The following GPC5 variants were observed in gnomAD, a reference collection of about 807,000 sequenced individuals.
GPC5 encodes glypican-5.
GPC5 carries 47 observed loss-of-function variants against 53.9 expected under a neutral mutation model. The ratio of observed to expected loss-of-function variants is 0.87; its 90% CI spans 0.69 to 1.11. The LOEUF is 1.11. Ranked by LOEUF, GPC5 falls within the 50% of genes most tolerant of loss-of-function variation. The probability of loss-of-function intolerance (pLI) is 0.00; values close to 1 mark genes in which losing one functional copy is unlikely to be tolerated. For missense variants in GPC5, 748 were observed against 713.1 expected (o/e 1.05, Z -0.56); for synonymous variants, 286 against 263.3 (o/e 1.09, Z -0.84).
intron 2 of GPC5, among the ~76,000 whole-genome samples, chr13:91,504,860 A>G (rs573315792): frequency 2.8e-4 from 42 of 152,250 alleles, no homozygotes; most frequent in African/African-American, 9.2e-4. Flanking sequence ...AGGCTGAAGT[A>G]GGAGGATCGC....
intron 7 of GPC5, among the ~76,000 whole-genome samples, chr13:92,548,643 A>G (rs888988171): frequency 6.6e-6 from 1 of 152,058 alleles, no homozygotes; most frequent in Non-Finnish European, 1.5e-5. Flanking sequence ...TTACGTGAAA[A>G]AGTGAAGACA....
intron 6 of GPC5, among the ~76,000 whole-genome samples, chr13:92,099,154 A>C (rs541000285): frequency 1.1e-4 from 17 of 152,240 alleles, no homozygotes; most frequent in Middle Eastern, 3.4e-3. Context: ...ATTTTTAGGT[A>C]AGTTTCATTA....
At chr13:92,782,703 G>C (rs1302237534) in intron 7 of GPC5, among the ~76,000 whole-genome samples, 1 of 152,072 alleles carries the variant, frequency 6.6e-6, no homozygotes, top group African/African-American at 2.4e-5. Flanking sequence ...AATATAGACT[G>C]GTTTATTTCT....
At chr13:92,289,408 A>G (rs903010645) in intron 7 of GPC5, among the ~76,000 whole-genome samples, 2 of 151,980 alleles carry the variant, frequency 1.3e-5, no homozygotes, top group Non-Finnish European at 2.9e-5. Context: ...GATTTAATTT[A>G]TTTTCTCAAT....
chr13:92,239,167 CA>C (rs2042591572), intron 7 of GPC5, among the ~76,000 whole-genome samples: 2 of 135,538 alleles, frequency 1.5e-5, no homozygotes, highest in Non-Finnish European at 3.3e-5. Context: ...TTTTTTTTTT[CA>C]AGATTCTACT....
chr13:91,486,176 C>T (rs1883598665), intron 2 of GPC5: 1 of 152,160 alleles, frequency 6.6e-6, no homozygotes, highest in African/African-American at 2.4e-5. Context: ...CCTGGGTAAC[C>T]AAGACTCTAA....
intron 7 of GPC5, among the ~76,000 whole-genome samples, chr13:92,636,654 G>A (rs954601494): frequency 7.2e-5 from 11 of 151,992 alleles, no homozygotes; most frequent in South Asian, 2.1e-4. Context: ...ACCATTGTCC[G>A]TAATTTTATA....
intron 7 of GPC5, among the ~76,000 whole-genome samples, chr13:92,543,450 T>C (rs1426019294): frequency 6.6e-6 from 1 of 151,984 alleles, no homozygotes; most frequent in Non-Finnish European, 1.5e-5. Context: ...GACTTAAGCA[T>C]GTAGGGGAAG....
chr13:92,027,873 C>A (rs1308305445), intron 6 of GPC5, among the ~76,000 whole-genome samples: 1 of 152,158 alleles, frequency 6.6e-6, no homozygotes, highest in Admixed American at 6.6e-5. Flanking sequence ...TACCTTCCTT[C>A]CCCACCAAAT....
intron 4 of GPC5, among the ~76,000 whole-genome samples, chr13:91,744,903 C>T (rs554669154): frequency 2.0e-5 from 3 of 152,094 alleles, no homozygotes; most frequent in South Asian, 2.1e-4. Flanking sequence ...AAAATTAGTA[C>T]CATGTTTCTT....
chr13:92,774,179 C>T (rs1362256930), intron 7 of GPC5, among the ~76,000 whole-genome samples: 2 of 152,130 alleles, frequency 1.3e-5, no homozygotes, highest in African/African-American at 4.8e-5. Context: ...CACATAAAGC[C>T]CTTCAAAGTC....
At chr13:92,264,874 CTCTCTG>C (rs1182017714) in intron 7 of GPC5, among the ~76,000 whole-genome samples, 50 of 116,620 alleles carry the variant, frequency 4.3e-4, no homozygotes, top group African/African-American at 6.1e-4. Flanking sequence ...CTCTCTCTCT[CTCTCTG>C]TGTGTGTGTG....
intron 7 of GPC5, among the ~76,000 whole-genome samples, chr13:92,307,864 C>T (rs567975188): frequency 1.3e-5 from 2 of 152,344 alleles, no homozygotes; most frequent in South Asian, 4.1e-4. Context: ...TACTTGCCCC[C>T]TTTTCTCACT....
chr13:92,190,205 A>G (rs1257977028), intron 7 of GPC5, among the ~76,000 whole-genome samples: 1 of 152,050 alleles, frequency 6.6e-6, no homozygotes, highest in Non-Finnish European at 1.5e-5. Context: ...GAGAAAAAAA[A>G]CCACCAATGG....
intron 7 of GPC5, among the ~76,000 whole-genome samples, chr13:92,530,523 TC>T (rs1208455410): frequency 2.0e-5 from 3 of 152,266 alleles, no homozygotes; most frequent in Non-Finnish European, 4.4e-5. Flanking sequence ...AATACGTACT[TC>T]CAGCCAATTA....
chr13:92,451,777 G>T (rs532482781), intron 7 of GPC5, among the ~76,000 whole-genome samples: 15 of 152,236 alleles, frequency 9.9e-5, no homozygotes, highest in African/African-American at 3.6e-4. Flanking sequence ...CTTTAGAATT[G>T]CTGCAAAATT....
At chr13:92,296,022 T>C (rs1401681818) in intron 7 of GPC5, among the ~76,000 whole-genome samples, 1 of 152,178 alleles carries the variant, frequency 6.6e-6, no homozygotes, top group Non-Finnish European at 1.5e-5. Flanking sequence ...TACCTTGGTT[T>C]TTTGTTTTTT....
chr13:91,686,758 T>C (rs1390573886), intron 2 of GPC5, among the ~76,000 whole-genome samples: 3 of 152,046 alleles, frequency 2.0e-5, no homozygotes, highest in Non-Finnish European at 4.4e-5. Context: ...TCTACCTACC[T>C]ATTCATCTAT....
At chr13:92,584,828 TAA>T (rs1192858716) in intron 7 of GPC5, among the ~76,000 whole-genome samples, 1 of 152,082 alleles carries the variant, frequency 6.6e-6, no homozygotes, top group Non-Finnish European at 1.5e-5. Flanking sequence ...CAGCCATGAC[TAA>T]AAGGGGCCAA....
Sources: gnomAD v4.1 joint callset for allele counts (sites outside exome capture counted in the v4.1 genomes callset) on GRCh38, gnomAD v4.1.1 for gene constraint, MANE v1.5 for transcripts, NCBI Gene and HGNC (gene_info 2026-07-23, HGNC 2026-07-21) for gene names.